The following PLA2R1 variants were observed in gnomAD, a reference collection of about 807,000 sequenced individuals.
PLA2R1 encodes the protein phospholipase A2 receptor 1.
Under a neutral mutation model 195.9 loss-of-function variants are expected in PLA2R1, and 158 were observed. The ratio of observed to expected loss-of-function variants is 0.81; its 90% confidence interval spans 0.71 to 0.92. The LOEUF (loss-of-function observed/expected upper bound fraction) is 0.92. Ranked by LOEUF, PLA2R1 falls within the 40% of genes least tolerant of loss-of-function variation. The pLI is 0.00. For synonymous variants in PLA2R1, 586 were observed against 598.2 expected (o/e 0.98, Z 0.30); for missense variants, 1,626 against 1,764.6 (o/e 0.92, Z 1.41).
chr2:160,016,822 A>T lies in PLA2R1; in HGVS notation c.1453-110T>A. The T allele has an allele frequency of 1.3e-5, 8 of 633,862 alleles. No individual in the cohort carries two copies. In the South Asian group the frequency reaches 1.5e-4, roughly 12 times the overall value. 39.3% of individuals were successfully genotyped at this position (633,862 alleles called of 1,614,324 possible). A position where few individuals can be genotyped will look rare whatever the true frequency, so the allele number is the denominator to read the frequency against. On this transcript the variant is annotated intron_variant, in intron 8 of 29. Coordinates refer to ENST00000283243, the MANE Select transcript of PLA2R1 (RefSeq NM_007366.5). ...TGAATAATGTGCTCCCGCGTGGGAT[A>T]ATGTTTCAGGCGGCACTCTGCTTTG...
chr2:159,966,438 G>T (rs926135559), intron 20 of PLA2R1, among the ~76,000 whole-genome samples: 7 of 152,144 alleles, frequency 4.6e-5, no homozygotes, highest in African/African-American at 1.7e-4. Context: ...TTTGCAAGAT[G>T]GAAAAGGTCT....
At chr2:160,014,945 T>C (rs1692626972) in intron 9 of PLA2R1, among the ~76,000 whole-genome samples, 1 of 152,134 alleles carries the variant, frequency 6.6e-6, no homozygotes, top group Non-Finnish European at 1.5e-5. Flanking sequence ...TTTCCGATAA[T>C]GTATTCTTCT....
At chr2:159,961,136 A>G (rs1056540679) in intron 20 of PLA2R1, among the ~76,000 whole-genome samples, 1 of 152,204 alleles carries the variant, frequency 6.6e-6, no homozygotes, top group African/African-American at 2.4e-5. Context: ...AAAATAAAGG[A>G]AAGTGTTGAG....
chr2:159,941,879 G>A lies in PLA2R1; in HGVS notation c.4291C>T (p.Leu1431Phe), dbSNP rs1377312821. ...TAGTAAGGATTCCGAAACCCTGCAA[G>A]TCTCCTGAAGAAGCCACCGTTATGC... ...YKHNGGFFRR[L>F]AGFRNPYYPA... The change falls in exon 30 of 30, where the codon CTT becomes TTT. Residue 1431 changes from leucine to phenylalanine, a missense_variant. Coordinates refer to ENST00000283243, the MANE Select transcript of PLA2R1 (RefSeq NM_007366.5). 1.2e-6 allele frequency: 2 copies of A among 1,612,984 alleles called. No individual in the cohort carries two copies. The highest frequency in any genetic ancestry group is 1.7e-5 in the Admixed American group (1 of 59,964).
chr2:159,941,034 T>C lies in PLA2R1; in HGVS notation c.*744A>G, dbSNP rs1687062253. 1 of 152,226 alleles carries C rather than the reference T, an allele frequency of 6.6e-6. No homozygotes were observed. Among genetic ancestry groups the C allele is most frequent in the Non-Finnish European group, 1.5e-5 (1 of 68,032 alleles). 9.4% of individuals were successfully genotyped at this position (152,226 alleles called of 1,614,324 possible). A position where few individuals can be genotyped will look rare whatever the true frequency, so the allele number is the denominator to read the frequency against. ...TTACTTTAAGCTTATGTATAAGACA[T>C]TTTAAAATATCCAACTTAATCATCA... On this transcript the variant is annotated 3_prime_UTR_variant, in exon 30 of 30. Coordinates refer to ENST00000283243, the MANE Select transcript of PLA2R1 (RefSeq NM_007366.5).
chr2:159,983,966 C>G lies in PLA2R1; in HGVS notation c.2145G>C (p.Glu715Asp). The change falls in exon 13 of 30, where the codon GAG (glutamate) becomes GAC (aspartate). Residue 715 changes from glutamate to aspartate, a missense_variant. By Grantham distance (45) the Glu-to-Asp change is conservative (BLOSUM62 2). Coordinates refer to ENST00000283243, the MANE Select transcript of PLA2R1 (RefSeq NM_007366.5). The part of the protein sequence containing the change: ...HLASFAHIEE[E>D]NFVNELLHSK... ...AATGTAAGAGCTCATTCACAAAATT[C>G]TCTTCCTCAATATGGGCAAAGCTTG... The G allele has an allele frequency of 6.3e-7, 1 of 1,596,088 alleles. No homozygotes were observed. Among genetic ancestry groups the G allele is most frequent in the Non-Finnish European group, 8.6e-7 (1 of 1,165,864 alleles).
intron 11 of PLA2R1, among the ~76,000 whole-genome samples, chr2:159,991,877 G>T (rs1690832018): frequency 1.1e-5 from 1 of 87,364 alleles, no homozygotes; most frequent in Non-Finnish European, 2.4e-5. Context: ...TGGACATTTG[G>T]GTTGGTTCCA....
At chr2:159,955,660 G>C (rs1444661178) in intron 22 of PLA2R1, 38 bp downstream of exon 22, 1 of 1,178,618 alleles carries the variant, frequency 8.5e-7, no homozygotes, top group South Asian at 2.3e-5. Context: ...AAAATATCTT[G>C]CCAAAGTGAT....
chr2:159,931,747 G>A (rs75392659), downstream of PLA2R1, among the ~76,000 whole-genome samples: 1,133 of 151,842 alleles, frequency 7.5e-3, 8 homozygotes, highest in Non-Finnish European at 0.01. Context: ...TTTCATTTAC[G>A]AAAAACCAGA....
chr2:159,949,482 C>G (rs6726923), intron 25 of PLA2R1, 126 bp downstream of exon 25: 592,985 of 597,726 alleles, frequency 0.99, 294,277 homozygotes, highest in East Asian at 1. Context: ...CATCACCAAC[C>G]AGACCAGAGG....
intron 20 of PLA2R1, among the ~76,000 whole-genome samples, chr2:159,960,257 C>T (rs1031092596): frequency 1.3e-5 from 2 of 152,142 alleles, no homozygotes; most frequent in African/African-American, 4.8e-5. Context: ...GGTCCTCTGG[C>T]TATACACTTT....
chr2:160,039,968 T>C (rs1427313296), intron 3 of PLA2R1, among the ~76,000 whole-genome samples: 3 of 151,294 alleles, frequency 2.0e-5, no homozygotes, highest in Non-Finnish European at 4.4e-5. Flanking sequence ...TTGAAGTCCC[T>C]AGTATTAGAG....
chr2:160,042,169 C>T lies in PLA2R1; in HGVS notation c.523G>A (p.Gly175Arg), dbSNP rs147708294. ...TGGAAGGGAAACATACACGGCATCC[C>T]GTGGGTGTTCCCTTTGATTGTATGC... ...DLHTIKGNTH[G>R]MPCMFPFQYN... The change falls in exon 3 of 30, where the codon GGG becomes AGG. Residue 175 changes from glycine to arginine, a missense_variant. Transcript: ENST00000283243. 1.4e-5 allele frequency: 23 copies of T among 1,613,780 alleles called. No homozygotes were observed. In the African/African-American group the frequency reaches 2.7e-4, roughly 19 times the overall value.
chr2:160,037,735 C>T (rs1377079546), intron 3 of PLA2R1, among the ~76,000 whole-genome samples: 2 of 152,202 alleles, frequency 1.3e-5, no homozygotes, highest in Non-Finnish European at 2.9e-5. Context: ...CATTTCCCCA[C>T]TTTCCATTTT....
downstream of PLA2R1, among the ~76,000 whole-genome samples, chr2:159,930,232 C>T (rs12053147): frequency 3.9e-4 from 59 of 152,208 alleles, no homozygotes; most frequent in East Asian, 9.1e-3. Flanking sequence ...CACGGTGAAA[C>T]CCCGTCTCTA....
chr2:159,974,179 C>G (rs781640250), intron 17 of PLA2R1, among the ~76,000 whole-genome samples: 8 of 152,144 alleles, frequency 5.3e-5, no homozygotes, highest in Non-Finnish European at 1.2e-4. Context: ...TTGGAACTAG[C>G]TTTTGATGTA....
chr2:159,989,301 G>A (rs935060658), intron 11 of PLA2R1, among the ~76,000 whole-genome samples: 2 of 152,296 alleles, frequency 1.3e-5, no homozygotes, highest in East Asian at 3.9e-4. Context: ...GCTGGATCAT[G>A]AACAGTACAA....
chr2:160,004,991 A>G (rs1290131204), intron 11 of PLA2R1, among the ~76,000 whole-genome samples: 2 of 152,168 alleles, frequency 1.3e-5, no homozygotes, highest in Admixed American at 6.5e-5. Context: ...TTAACTGACC[A>G]TTCTGAACTG....
At chr2:160,036,397 T>C (rs1452566788) in intron 3 of PLA2R1, among the ~76,000 whole-genome samples, 1 of 152,188 alleles carries the variant, frequency 6.6e-6, no homozygotes, top group African/African-American at 2.4e-5. Context: ...TAAAAACCTA[T>C]ATGTGATTCT....
Sources: gnomAD v4.1 joint callset for allele counts (sites outside exome capture counted in the v4.1 genomes callset) on GRCh38, gnomAD v4.1.1 for gene constraint, MANE v1.5 for transcripts, NCBI Gene and HGNC (gene_info 2026-07-23, HGNC 2026-07-21) for gene names.